The following GMEB1 variants were observed in gnomAD, a reference collection of about 807,000 sequenced individuals.
GMEB1 encodes glucocorticoid modulatory element binding protein 1.
Under a neutral mutation model 52.4 loss-of-function variants are expected in GMEB1, and 6 were observed. The observed-to-expected ratio is 0.11, with a 90% CI of 0.06 to 0.23. The LOEUF is 0.23. Ranked by LOEUF, GMEB1 falls within the 10% of genes least tolerant of loss-of-function variation. The probability of loss-of-function intolerance (pLI) is 1.00; values close to 1 mark genes in which losing one functional copy is unlikely to be tolerated. For missense variants in GMEB1, 486 were observed against 685.6 expected, an observed-to-expected ratio of 0.71 and a Z score of 3.25; for synonymous variants, 255 against 244.9, an observed-to-expected ratio of 1.04 and a Z score of -0.38.
At chr1:28,691,453 C>T in intron 3 of GMEB1, 132 bp from the exon 4 acceptor site, 1 of 486,172 alleles carries the variant, frequency 2.1e-6, no homozygotes, top group South Asian at 6.2e-5. Context: ...AAACTTCTTC[C>T]AGAGGATTCC....
At chr1:28,679,516 A>G (rs1443811241) in intron 1 of GMEB1, among the ~76,000 whole-genome samples, 2 of 152,070 alleles carry the variant, frequency 1.3e-5, no homozygotes, top group Non-Finnish European at 2.9e-5. Flanking sequence ...AGGAGTTCAT[A>G]TTCTGTACTG....
intron 8 of GMEB1, among the ~76,000 whole-genome samples, chr1:28,706,981 T>C (rs938589601): frequency 6.3e-5 from 8 of 127,668 alleles, no homozygotes; most frequent in Non-Finnish European, 1.3e-4. Flanking sequence ...GATTTGGTTT[T>C]TTTTTTTTTT....
chr1:28,697,253 G>T lies in GMEB1; in HGVS notation c.598+169G>T, dbSNP rs551831473. On this transcript the variant is annotated intron_variant, in intron 6 of 9. Transcript: ENST00000373816. ...GACAGAGTTTTGCTCTTGTTGCCCA[G>T]GTTGGAGTGCAGTAGCGTGATCTCA... is the stretch of plus-strand genomic sequence containing the variant. Among the ~76,000 whole-genome samples, 3 of 146,166 alleles carry T rather than the reference G, an allele frequency of 2.1e-5. No homozygotes were observed. The South Asian group carries it at 6.4e-4, about 31-fold the overall frequency.
rs373335454 is a variant in GMEB1, at chr1:28,705,298, G to A, written c.868+969G>A. On this transcript the variant is annotated intron_variant, in intron 8 of 9. Coordinates refer to ENST00000373816, the MANE Select transcript of GMEB1 (RefSeq NM_001319674.2). ...AATCCCAGCTACTTGAGAGGTTGTG[G>A]CACGAGAATTGCTGAACCCAAGAGG... 8.8e-4 allele frequency among the ~76,000 whole-genome samples: 134 copies of A among 151,524 alleles called. 3 individuals carry two copies. In the East Asian group the frequency reaches 0.017, roughly 19 times the overall value.
chr1:28,704,303 T>G lies in GMEB1; in HGVS notation c.842T>G (p.Leu281Arg), dbSNP rs1482067451. ...EELLRGVQQR[L>R]IQAPFQVTDA... ...CTACTCAGGGGAGTTCAGCAGCGGC[T>G]CATCCAGGCTCCCTTCCAAGTCACA... The change falls in exon 8 of 10, where the codon CTC becomes CGC. Residue 281 changes from leucine to arginine, a missense_variant. By Grantham distance (102) the Leu-to-Arg change is moderately radical (BLOSUM62 -2). Transcript: ENST00000373816. 1.2e-6 allele frequency: 2 copies of G among 1,612,976 alleles called. No individual in the cohort carries two copies. Among genetic ancestry groups the G allele is most frequent in the South Asian group, 2.2e-5 (2 of 90,862 alleles).
In GMEB1 at chr1:28,718,325, G is replaced by C. The variant is rs1010542374; in HGVS notation, c.*3552G>C. On this transcript the variant is annotated 3_prime_UTR_variant, in exon 10 of 10. Transcript: ENST00000373816. The stretch of plus-strand genomic sequence containing the variant: ...GTTAAGAAATACATATTTCAGCCAG[G>C]CATGGTGGCTCACACCTAGAATCCC... The C allele has an allele frequency of 3.9e-5, 6 of 152,240 alleles. No individual in the cohort carries two copies. The highest frequency in any genetic ancestry group is 1.4e-4 in the African/African-American group (6 of 41,462). 9.4% of individuals were successfully genotyped at this position (152,240 alleles called of 1,614,324 possible). A position where few individuals can be genotyped will look rare whatever the true frequency, so the allele number is the denominator to read the frequency against.
At chr1:28,684,988 A>G (rs1019032164) in intron 2 of GMEB1, among the ~76,000 whole-genome samples, 12 of 152,138 alleles carry the variant, frequency 7.9e-5, no homozygotes, top group African/African-American at 2.9e-4. Context: ...TTGTAGAGAT[A>G]GGGGTCTTGC....
At chr1:28,679,802 C>CTTT (rs762915216) in intron 1 of GMEB1, among the ~76,000 whole-genome samples, 1 of 139,718 alleles carries the variant, frequency 7.2e-6, no homozygotes. Context: ...ATGGCTCACA[C>CTTT]TTTTTTTTTT....
At chr1:28,686,126 A>G (rs988537964) in intron 2 of GMEB1, among the ~76,000 whole-genome samples, 1 of 151,976 alleles carries the variant, frequency 6.6e-6, no homozygotes, top group Non-Finnish European at 1.5e-5. Flanking sequence ...GGATCACATG[A>G]GCCCAGGAGT....
At chr1:28,712,862 A>G (rs1169008512) in intron 9 of GMEB1, among the ~76,000 whole-genome samples, 1 of 150,440 alleles carries the variant, frequency 6.6e-6, no homozygotes, top group Non-Finnish European at 1.5e-5. Context: ...AAAGACATTT[A>G]CCACGCTGGG....
At chr1:28,684,562 C>CAA (rs35899215) in intron 2 of GMEB1, among the ~76,000 whole-genome samples, 196 of 102,880 alleles carry the variant, frequency 1.9e-3, no homozygotes, top group South Asian at 3.7e-3. Flanking sequence ...GACTCCATCT[C>CAA]AAAAAAAAAA....
In GMEB1 at chr1:28,694,690, T is replaced by C. The variant is rs373773949; in HGVS notation, c.440+1645T>C. Among the ~76,000 whole-genome samples, 79 of 150,536 alleles carry C rather than the reference T, an allele frequency of 5.2e-4. 1 individual carries two copies. In the South Asian group the frequency reaches 0.016, roughly 31 times the overall value. On this transcript the variant is annotated intron_variant, in intron 5 of 9. Transcript: ENST00000373816. The stretch of plus-strand genomic sequence containing the variant: ...TTAACATAGGTTTTTTTTTTTTGAG[T>C]TGGGATCTTGCTGTGTCGCCCAGGC...
At chr1:28,691,120 ATC>A (rs1257833236) in intron 3 of GMEB1, among the ~76,000 whole-genome samples, 1 of 152,030 alleles carries the variant, frequency 6.6e-6, no homozygotes, top group Non-Finnish European at 1.5e-5. Context: ...GTGAAACCCT[ATC>A]TCTACTAAAA....
At chr1:28,699,839 C>T (rs1670408932) in intron 6 of GMEB1, among the ~76,000 whole-genome samples, 1 of 151,392 alleles carries the variant, frequency 6.6e-6, no homozygotes, top group Non-Finnish European at 1.5e-5. Flanking sequence ...CTCTGGGAAG[C>T]TGAGGCAGGA....
intron 8 of GMEB1, among the ~76,000 whole-genome samples, chr1:28,705,099 A>G (rs1557519048): frequency 6.6e-6 from 1 of 151,150 alleles, no homozygotes; most frequent in Non-Finnish European, 1.5e-5. Context: ...AAAAAAAAAA[A>G]AAACACAGGC....
chr1:28,698,294 G>T (rs993071411), intron 6 of GMEB1, among the ~76,000 whole-genome samples: 1 of 146,818 alleles, frequency 6.8e-6, no homozygotes, highest in African/African-American at 2.5e-5. Context: ...GCTTGAACCT[G>T]GGAGGCATGG....
At position 28,711,155 on chromosome 1, in the gene GMEB1, G is replaced by A. The variant is rs531492625; in HGVS notation, c.991+513G>A. ...ACAAAAATTACCTGGATGTGGTGGC[G>A]CGTGCCTGTAGCCCCAGCTACTCGG... On this transcript the variant is annotated intron_variant, in intron 9 of 9. Coordinates refer to ENST00000373816, the MANE Select transcript of GMEB1 (RefSeq NM_001319674.2). 2.9e-4 allele frequency among the ~76,000 whole-genome samples: 44 copies of A among 151,928 alleles called. No homozygotes were observed. The South Asian group carries it at 6.0e-3, about 21-fold the overall frequency.
intron 7 of GMEB1, 76 bp downstream of exon 7, chr1:28,702,645 A>C (rs1356601376): frequency 4.5e-6 from 6 of 1,336,868 alleles, no homozygotes; most frequent in Non-Finnish European, 6.3e-6. Context: ...GACACGGAAG[A>C]CCTCTTAATT....
At chr1:28,698,938 C>A (rs767016211) in intron 6 of GMEB1, among the ~76,000 whole-genome samples, 4 of 151,910 alleles carry the variant, frequency 2.6e-5, no homozygotes, top group Non-Finnish European at 5.9e-5. Flanking sequence ...GAGCCGAGAT[C>A]GTCCCATATT....
Sources: allele counts gnomAD v4.1 joint callset (sites outside exome capture counted in the v4.1 genomes callset), GRCh38; gene constraint gnomAD v4.1.1; transcripts MANE v1.5; gene names NCBI Gene and HGNC (gene_info 2026-07-23, HGNC 2026-07-21).